The following POLD1 variants were observed in gnomAD, a reference collection of about 807,000 sequenced individuals.
The protein encoded by POLD1 is DNA polymerase delta catalytic subunit.
A neutral mutation model predicts 129.7 loss-of-function variants in POLD1; 79 were observed. The observed-to-expected ratio is 0.61, with a 90% confidence interval of 0.51 to 0.73. The LOEUF (loss-of-function observed/expected upper bound fraction) is 0.73, where lower values mean the gene tolerates loss of function less well. POLD1 is among the 30% of genes least tolerant of loss of function. POLD1 has a pLI of 0.00. For synonymous variants in POLD1, 714 were observed against 683.3 expected (o/e 1.04, Z -0.70); for missense variants, 1,338 against 1,595.8 (o/e 0.84, Z 2.75).
At chr19:50,398,660 C>T (rs765341970) in intron 1 of POLD1, among the ~76,000 whole-genome samples, 191 bp from the exon 2 acceptor site, 1 of 151,246 alleles carries the variant, frequency 6.6e-6, no homozygotes, top group Non-Finnish European at 1.5e-5. Flanking sequence ...GCTGCTGCTG[C>T]AGTAGCTAAC....
At chr19:50,394,452 C>T (rs1366508197) in intron 1 of POLD1, among the ~76,000 whole-genome samples, 3 of 152,004 alleles carry the variant, frequency 2.0e-5, no homozygotes, top group Non-Finnish European at 4.4e-5. Context: ...AGGAGTTCCA[C>T]ACCAGCCTGG....
intron 3 of POLD1, 99 bp downstream of exon 3, chr19:50,399,583 G>GGGCTGA: frequency 2.3e-6 from 2 of 855,146 alleles, no homozygotes; most frequent in Non-Finnish European, 3.9e-6. Flanking sequence ...TGGGGCAGAG[G>GGGCTGA]CCGGGCCAGG....
At chr19:50,395,490 G>A (rs1031754241) in intron 1 of POLD1, among the ~76,000 whole-genome samples, 3 of 151,936 alleles carry the variant, frequency 2.0e-5, no homozygotes, top group East Asian at 3.9e-4. Flanking sequence ...AGGCTGAGGC[G>A]GGAGAATGGC....
Position 50,409,432 on chromosome 19 carries a change from A to G in POLD1, c.2007-87A>G. 1 of 1,562,252 alleles carries G rather than the reference A, an allele frequency of 6.4e-7. No individual in the cohort carries two copies. Among genetic ancestry groups the G allele is most frequent in the Non-Finnish European group, 8.8e-7 (1 of 1,136,778 alleles). On this transcript the variant is annotated intron_variant, in intron 16 of 26. Transcript: ENST00000440232. The surrounding 1 kb of genome is among the most constrained non-coding windows in gnomAD (Gnocchi z 5.8). ...CTTCTGTGCAGTGCACAGTACGCCCAACCGTACATGGCACTCACTTCCAGA... is the reference window on the plus strand; with the variant it reads ...CTTCTGTGCAGTGCACAGTACGCCCGACCGTACATGGCACTCACTTCCAGA...
Position 50,416,425 on chromosome 19 carries a change from G to T in POLD1, c.2850G>T (p.Leu950=). The change falls in exon 23 of 27, where the codon CTG becomes CTT. Residue 950 remains leucine, a synonymous_variant. Coordinates refer to ENST00000440232, the MANE Select transcript of POLD1 (RefSeq NM_002691.4). ...CGCTGTTCGTGCTGGAGCACAGCCT[G>T]CCCATTGACACGCAGTACTACCTGG... ...EDPLFVLEHS[L]PIDTQYYLEQ... The T allele has an allele frequency of 6.5e-7, 1 of 1,549,808 alleles. No homozygotes were observed. Among genetic ancestry groups the T allele is most frequent in the Middle Eastern group, 2.1e-4 (1 of 4,680 alleles).
intron 17 of POLD1, among the ~76,000 whole-genome samples, chr19:50,410,732 T>C (rs1432819318): frequency 6.6e-6 from 1 of 152,042 alleles, no homozygotes; most frequent in Non-Finnish European, 1.5e-5. Context: ...ACATGCAGCA[T>C]TGCCAACCAG....
chr19:50,415,373 C>T (rs1156416531), intron 20 of POLD1, 65 bp from the exon 21 acceptor site: 121 of 1,520,646 alleles, frequency 8.0e-5, no homozygotes, highest in Non-Finnish European at 1.0e-4. Flanking sequence ...GCCCTGAGAC[C>T]CGTGGAGGCA....
rs751896972 is a variant in POLD1 at position 50,399,474 on chromosome 19, C to T, written c.306C>T (p.Asp102=). Residue 102 remains aspartate, a synonymous_variant, in exon 3 of 27, where the codon GAC becomes GAT. Transcript: ENST00000440232. ...EPLIFQQLEI[D]HYVGPAQPVP... ...TCATCTTCCAACAGTTGGAGATTGACCATTATGTGGGTGAGTTTAGGGGTT... is the reference window on the plus strand; with the variant it reads ...TCATCTTCCAACAGTTGGAGATTGATCATTATGTGGGTGAGTTTAGGGGTT... 6.2e-7 allele frequency: 1 copy of T among 1,610,494 alleles called. No homozygotes were observed. Among genetic ancestry groups the T allele is most frequent in the South Asian group, 1.1e-5 (1 of 91,020 alleles).
At chr19:50,413,164 A>T (rs1209763182) in intron 17 of POLD1, among the ~76,000 whole-genome samples, 1 of 152,200 alleles carries the variant, frequency 6.6e-6, no homozygotes, top group Non-Finnish European at 1.5e-5. Flanking sequence ...CAGTCTTTCC[A>T]GCATGCATTT....
At chr19:50,408,616 C>G in intron 14 of POLD1, 169 bp from the exon 15 acceptor site, 1 of 1,035,290 alleles carries the variant, frequency 9.7e-7, no homozygotes, top group Non-Finnish European at 1.4e-6. Context: ...CTCCTGAGTT[C>G]AAGCGATCCT....
At chr19:50,413,607 C>T in intron 18 of POLD1, 86 bp downstream of exon 18, 2 of 1,530,506 alleles carry the variant, frequency 1.3e-6, no homozygotes, top group South Asian at 1.1e-5. Context: ...GTCCCCGTGC[C>T]TCCTGGTCAC....
At chr19:50,386,930 G>C (rs143706589) in intron 1 of POLD1, among the ~76,000 whole-genome samples, 2,693 of 152,160 alleles carry the variant, frequency 0.018, 72 homozygotes, top group African/African-American at 0.058. Context: ...CGGTGGCTAA[G>C]GCCTGTAATC....
chr19:50,409,343 C>A lies in POLD1; in HGVS notation c.2006+108C>A. ...GGCTGCCCAGCCACCCTGCCCTCAG[C>A]TGTGCGTGAATTAGCACAAGGCATC... On this transcript the variant is annotated intron_variant, in intron 16 of 26. Transcript: ENST00000440232. This position sits in a 1 kb window ranked among gnomAD's most constrained non-coding sequence, Gnocchi z 5.8. 8.2e-7 allele frequency: 1 copy of A among 1,220,746 alleles called. No individual in the cohort carries two copies. Among genetic ancestry groups the A allele is most frequent in the Non-Finnish European group, 1.2e-6 (1 of 844,672 alleles). The allele number at this position is 1,220,746 out of a possible 1,614,324, so 75.6% of individuals were successfully genotyped here. A position where few individuals can be genotyped will look rare whatever the true frequency, so the allele number is the denominator to read the frequency against.
intron 1 of POLD1, among the ~76,000 whole-genome samples, chr19:50,388,095 AT>A (rs1322102126): frequency 6.6e-6 from 1 of 152,230 alleles, no homozygotes; most frequent in African/African-American, 2.4e-5. Flanking sequence ...CCAAGATCCC[AT>A]TTATAGGAAA....
intron 2 of POLD1, 38 bp downstream of exon 2, chr19:50,399,091 A>G (rs755710825): frequency 1.3e-6 from 2 of 1,550,310 alleles, no homozygotes; most frequent in East Asian, 2.4e-5. Context: ...TGCCCAACCC[A>G]TTGCCCCTGG....
chr19:50,415,346 G>A, intron 20 of POLD1, 92 bp from the exon 21 acceptor site: 1 of 1,307,266 alleles, frequency 7.6e-7, no homozygotes, highest in Non-Finnish European at 1.1e-6. Flanking sequence ...AGCCCTAAGA[G>A]CTCATCCTGG....
chr19:50,399,908 G>A (rs3219372), intron 3 of POLD1, among the ~76,000 whole-genome samples: 4,980 of 150,836 alleles, frequency 0.033, 263 homozygotes, highest in African/African-American at 0.11. Context: ...TCTGCCTCCC[G>A]GGTTCAAGTG....
In POLD1 at chr19:50,406,770, C is replaced by T. The variant is rs1418536798; in HGVS notation, c.1495-213C>T. Among the ~76,000 whole-genome samples the T allele has an allele frequency of 2.0e-5, 3 of 152,096 alleles. No individual in the cohort carries two copies. Among genetic ancestry groups the T allele is most frequent in the Non-Finnish European group, 4.4e-5 (3 of 68,006 alleles). ...CCACAGGTCCACGGTGGCCTTCAGGCTGCTCCCTCCTCCTCCCTCTGGCCC... is the reference window on the plus strand; with the variant it reads ...CCACAGGTCCACGGTGGCCTTCAGGTTGCTCCCTCCTCCTCCCTCTGGCCC... On this transcript the variant is annotated intron_variant, in intron 12 of 26. Transcript: ENST00000440232. This position sits in a 1 kb window ranked among gnomAD's most constrained non-coding sequence, Gnocchi z 5.5.
intron 1 of POLD1, among the ~76,000 whole-genome samples, chr19:50,397,143 A>C (rs1444243382): frequency 2.7e-5 from 4 of 150,866 alleles, no homozygotes; most frequent in Non-Finnish European, 5.9e-5. Flanking sequence ...TCACGCCTGA[A>C]ATCTCAGCAC....
Sources: allele counts gnomAD v4.1 joint callset (sites outside exome capture counted in the v4.1 genomes callset), GRCh38; gene constraint gnomAD v4.1.1; non-coding constraint Gnocchi (gnomAD v3.1); transcripts MANE v1.5; gene names NCBI Gene and HGNC (gene_info 2026-07-23, HGNC 2026-07-21).